KLHL4: variants seen among roughly 807,000 people sequenced by gnomAD.
KLHL4 encodes kelch-like protein 4.
A neutral mutation model predicts 45.8 loss-of-function variants in KLHL4; 17 were observed. The observed-to-expected ratio is 0.37, with a 90% confidence interval of 0.25 to 0.56. KLHL4 has a LOEUF of 0.56. Among genes scored for constraint, KLHL4 ranks in the 20% least tolerant of loss-of-function variants. The pLI is 0.79. For missense variants in KLHL4, 544 were observed against 544.9 expected, an observed-to-expected ratio of 1.00 and a Z score of 0.02; for synonymous variants, 224 against 189.9, an observed-to-expected ratio of 1.18 and a Z score of -1.47.
In KLHL4 at chrX:87,608,951, C is replaced by T. The variant is rs762989868; in HGVS notation, c.423-4926C>T. Among the ~76,000 whole-genome samples the T allele has an allele frequency of 2.7e-5, 3 of 110,403 alleles. No individual in the cohort carries two copies. The South Asian group carries it at 1.2e-3, about 44-fold the overall frequency. On this transcript the variant is annotated intron_variant, in intron 1 of 10. Transcript: ENST00000373119. ...CAACAGGCCCCGGTGTGTGATGTTC[C>T]CCTTCCTGTGTCCATGTGTTCTCAT...
chrX:87,562,724 T>C (rs1602418134), intron 1 of KLHL4, among the ~76,000 whole-genome samples: 1 of 107,573 alleles, frequency 9.3e-6, no homozygotes, highest in Non-Finnish European at 1.9e-5. Flanking sequence ...TGCCTGGCAA[T>C]AGTCACCACC....
chrX:87,595,244 T>C (rs2147802646), intron 1 of KLHL4, among the ~76,000 whole-genome samples: 1 of 111,190 alleles, frequency 9.0e-6, no homozygotes, highest in Admixed American at 9.6e-5. Flanking sequence ...CATTAGGTGA[T>C]ACTTAGTGCT....
chrX:87,581,012 C>T (rs778424230), intron 1 of KLHL4, among the ~76,000 whole-genome samples: 1 of 112,196 alleles, frequency 8.9e-6, no homozygotes, highest in South Asian at 3.7e-4. Context: ...TTGGACAACT[C>T]ATCCATTCCA....
At chrX:87,600,431 T>C (rs750692013) in intron 1 of KLHL4, among the ~76,000 whole-genome samples, 58 of 101,746 alleles carry the variant, frequency 5.7e-4, no homozygotes, top group African/African-American at 1.8e-3. Context: ...TGCAGTGAGC[T>C]GAGATGGCGC....
chrX:87,640,225 G>A (rs898798061), intron 9 of KLHL4, among the ~76,000 whole-genome samples: 3 of 111,210 alleles, frequency 2.7e-5, no homozygotes, highest in Non-Finnish European at 3.8e-5. Flanking sequence ...AAAAAGTCTA[G>A]GTCCAGATGA....
At chrX:87,603,572 T>G (rs749829543) in intron 1 of KLHL4, among the ~76,000 whole-genome samples, 2 of 111,006 alleles carry the variant, frequency 1.8e-5, no homozygotes, top group East Asian at 5.6e-4. Context: ...TTTTTAAAAT[T>G]TACACACTAT....
At chrX:87,545,014 T>C (rs1000581043) in intron 1 of KLHL4, among the ~76,000 whole-genome samples, 1 of 112,253 alleles carries the variant, frequency 8.9e-6, no homozygotes, top group African/African-American at 3.2e-5. Context: ...GACAGAGAAT[T>C]CAAAATAGCT....
intron 10 of KLHL4, among the ~76,000 whole-genome samples, 185 bp downstream of exon 10, chrX:87,665,120 C>A (rs1924324749): frequency 9.0e-6 from 1 of 111,329 alleles, no homozygotes; most frequent in Admixed American, 9.6e-5. Context: ...TATGATATGA[C>A]ATGATAGTTG....
At chrX:87,591,320 A>T (rs1435123294) in intron 1 of KLHL4, among the ~76,000 whole-genome samples, 1 of 111,993 alleles carries the variant, frequency 8.9e-6, no homozygotes, top group African/African-American at 3.2e-5. Context: ...TTATTAGCCA[A>T]TTTTTAAATG....
chrX:87,531,014 A>G (rs1247993666), intron 1 of KLHL4, among the ~76,000 whole-genome samples: 2 of 112,012 alleles, frequency 1.8e-5, no homozygotes, highest in African/African-American at 3.3e-5. Context: ...CATTTCTCTG[A>G]TGTCAGCGAT....
chrX:87,617,886 A>C, intron 3 of KLHL4, 46 bp from the exon 4 acceptor site: 3 of 1,060,844 alleles, frequency 2.8e-6, no homozygotes, highest in Non-Finnish European at 3.8e-6. Context: ...CGTAGTTTTT[A>C]CTTTATGGAA....
chrX:87,530,980 G>T, intron 1 of KLHL4, among the ~76,000 whole-genome samples: 1 of 111,473 alleles, frequency 9.0e-6, no homozygotes. Flanking sequence ...GTGTGAGATG[G>T]TATCTCATTG....
intron 1 of KLHL4, among the ~76,000 whole-genome samples, chrX:87,595,545 C>T (rs1481727136): frequency 9.0e-6 from 1 of 111,691 alleles, no homozygotes; most frequent in African/African-American, 3.3e-5. Context: ...AGTGAATGAG[C>T]ATAATGTCAC....
intron 9 of KLHL4, among the ~76,000 whole-genome samples, chrX:87,654,115 C>A (rs1007489601): frequency 9.0e-5 from 10 of 110,825 alleles, no homozygotes; most frequent in Non-Finnish European, 1.7e-4. Context: ...GCACATCCTG[C>A]ACATGTACCC....
chrX:87,626,438 A>G (rs1470343291), intron 6 of KLHL4, among the ~76,000 whole-genome samples: 1 of 111,209 alleles, frequency 9.0e-6, no homozygotes. Context: ...TTTTTCATAA[A>G]CAATAAAGCA....
At chrX:87,583,405 T>C (rs1045086790) in intron 1 of KLHL4, among the ~76,000 whole-genome samples, 1 of 111,664 alleles carries the variant, frequency 9.0e-6, no homozygotes, top group Non-Finnish European at 1.9e-5. Context: ...TAAATAAGAC[T>C]CCTTCCTTCT....
At chrX:87,635,902 G>T (rs902222072) in intron 9 of KLHL4, 127 bp downstream of exon 9, 6 of 437,677 alleles carry the variant, frequency 1.4e-5, no homozygotes, top group Non-Finnish European at 2.2e-5. Flanking sequence ...AAATTAAATA[G>T]TACAACGGGA....
At chrX:87,529,083 C>A (rs888199533) in intron 1 of KLHL4, among the ~76,000 whole-genome samples, 5 of 110,770 alleles carry the variant, frequency 4.5e-5, no homozygotes, top group African/African-American at 9.8e-5. Context: ...AAACCATTGT[C>A]TTTCACTAAT....
At chrX:87,664,638 A>G (rs1169891518) in intron 9 of KLHL4, 126 bp from the exon 10 acceptor site, 2 of 462,399 alleles carry the variant, frequency 4.3e-6, no homozygotes, top group Non-Finnish European at 7.2e-6. Context: ...TCCAATCTAC[A>G]TTTGATATTT....
Sources: gnomAD v4.1 joint callset for allele counts (sites outside exome capture counted in the v4.1 genomes callset) on GRCh38, gnomAD v4.1.1 for gene constraint, MANE v1.5 for transcripts, NCBI Gene and HGNC (gene_info 2026-07-23, HGNC 2026-07-21) for gene names.